SIM1: variants seen among roughly 807,000 people sequenced by gnomAD.
The protein encoded by SIM1 is SIM bHLH transcription factor 1.
A neutral mutation model predicts 78.2 loss-of-function variants in SIM1; 18 were observed. The ratio of observed to expected loss-of-function variants is 0.23; its 90% confidence interval spans 0.16 to 0.34. The LOEUF (loss-of-function observed/expected upper bound fraction) is 0.34, where lower values mean the gene tolerates loss of function less well. Among genes scored for constraint, SIM1 ranks in the 10% least tolerant of loss-of-function variants. The pLI is 1.00. For synonymous variants in SIM1, 417 were observed against 385.2 expected, an observed-to-expected ratio of 1.08 and a Z score of -0.97; for missense variants, 939 against 975.1, an observed-to-expected ratio of 0.96 and a Z score of 0.49.
chr6:100,430,005 C>G (rs1306073986), intron 9 of SIM1, among the ~76,000 whole-genome samples: 1 of 152,016 alleles, frequency 6.6e-6, no homozygotes, highest in Non-Finnish European at 1.5e-5. Flanking sequence ...GTCTCTGAAG[C>G]CTTTCATGTG....
intron 9 of SIM1, among the ~76,000 whole-genome samples, chr6:100,434,736 A>G (rs1048766403): frequency 1.3e-5 from 2 of 152,234 alleles, no homozygotes; most frequent in African/African-American, 4.8e-5. Context: ...TGGGTTTAAA[A>G]GCACAAACAC....
At chr6:100,412,677 GAAAGAA>G (rs1771257999) in intron 10 of SIM1, among the ~76,000 whole-genome samples, 1 of 101,940 alleles carries the variant, frequency 9.8e-6, no homozygotes, top group African/African-American at 3.8e-5. Context: ...GAGAGAGAAA[GAAAGAA>G]AAAGAAAGAA....
intron 9 of SIM1, among the ~76,000 whole-genome samples, chr6:100,421,441 G>T (rs2114505053): frequency 6.6e-6 from 1 of 152,252 alleles, no homozygotes; most frequent in South Asian, 2.1e-4. Flanking sequence ...CTCTCAACAG[G>T]TTAGTTCAGT....
chr6:100,463,203 T>C (rs1772899906), intron 2 of SIM1, 91 bp downstream of exon 2: 2 of 1,135,796 alleles, frequency 1.8e-6, no homozygotes, highest in South Asian at 1.5e-5. Context: ...TAAATATGTA[T>C]GCATTTCTCT....
chr6:100,439,627 T>C (rs1562251270), intron 9 of SIM1, among the ~76,000 whole-genome samples: 1 of 152,188 alleles, frequency 6.6e-6, no homozygotes, highest in Non-Finnish European at 1.5e-5. Flanking sequence ...ATGAGGAATA[T>C]ACAAAAGGCT....
chr6:100,393,363 C>A, intron 11 of SIM1, 124 bp downstream of exon 11: 1 of 859,706 alleles, frequency 1.2e-6, no homozygotes, highest in Non-Finnish European at 1.6e-6. Context: ...GTTTTTAATC[C>A]CATTGGTTCT....
chr6:100,424,632 G>A (rs1006795856), intron 9 of SIM1, among the ~76,000 whole-genome samples: 1 of 151,630 alleles, frequency 6.6e-6, no homozygotes, highest in Non-Finnish European at 1.5e-5. Flanking sequence ...GTAGACACGA[G>A]ATCTCTCTGT....
At chr6:100,403,888 G>T (rs1183490248) in intron 10 of SIM1, among the ~76,000 whole-genome samples, 1 of 152,048 alleles carries the variant, frequency 6.6e-6, no homozygotes, top group Non-Finnish European at 1.5e-5. Flanking sequence ...AACAAATAAG[G>T]TTCAAAAAAT....
At chr6:100,412,567 GAAAGAA>G (rs1160682384) in intron 10 of SIM1, among the ~76,000 whole-genome samples, 1 of 65,322 alleles carries the variant, frequency 1.5e-5, no homozygotes, top group African/African-American at 5.8e-5. Flanking sequence ...AAGAAAGAAA[GAAAGAA>G]AGAAAGAAAG....
At chr6:100,424,614 T>A (rs1328787164) in intron 9 of SIM1, among the ~76,000 whole-genome samples, 2 of 151,784 alleles carry the variant, frequency 1.3e-5, no homozygotes, top group African/African-American at 4.8e-5. Flanking sequence ...TTTTTTTTTT[T>A]ATTTTTGGTA....
Position 100,447,252 on chromosome 6 carries a change from T to C in SIM1, c.998+16A>G. ...GTCGCCTGGGGTGGGTGAAGGGGTC[T>C]CAGTCTTGCACTCACGTGAGGACAT... On this transcript the variant is annotated intron_variant, in intron 9 of 11. Transcript: ENST00000369208. The C allele has an allele frequency of 6.2e-7, 1 of 1,612,526 alleles. No individual in the cohort carries two copies. Among genetic ancestry groups the C allele is most frequent in the Admixed American group, 1.7e-5 (1 of 59,992 alleles).
intron 9 of SIM1, among the ~76,000 whole-genome samples, chr6:100,434,453 C>T (rs888575581): frequency 6.6e-5 from 10 of 152,318 alleles, no homozygotes; most frequent in African/African-American, 2.2e-4. Flanking sequence ...CTTTGCCTGT[C>T]GCTTGTTTGG....
In SIM1 at chr6:100,448,127, G is replaced by A; in HGVS notation, c.850+19C>T. The A allele has an allele frequency of 6.3e-7, 1 of 1,597,718 alleles. No individual in the cohort carries two copies. On this transcript the variant is annotated intron_variant, in intron 8 of 11. Transcript: ENST00000369208. ...GATGCGCCAAGGTTGCTAGGGTACG[G>A]GGCAGGGTGGCGCCTTACGCAAATG...
chr6:100,415,767 T>C (rs549017666), intron 10 of SIM1, among the ~76,000 whole-genome samples: 5 of 152,274 alleles, frequency 3.3e-5, no homozygotes, highest in African/African-American at 4.8e-5. Flanking sequence ...TCTAGCCTTA[T>C]GCATTTCAAG....
chr6:100,439,910 G>T (rs965635766), intron 9 of SIM1, among the ~76,000 whole-genome samples: 1 of 152,102 alleles, frequency 6.6e-6, no homozygotes, highest in African/African-American at 2.4e-5. Flanking sequence ...GAAAAACAGG[G>T]TGAGCCTAAC....
At chr6:100,392,954 C>T (rs1419807892) in intron 11 of SIM1, among the ~76,000 whole-genome samples, 3 of 152,210 alleles carry the variant, frequency 2.0e-5, no homozygotes, top group African/African-American at 7.2e-5. Context: ...ATCCTTCACT[C>T]ACGGGGTCAT....
intron 2 of SIM1, 25 bp from the exon 3 acceptor site, chr6:100,453,869 T>C (rs1772579195): frequency 6.3e-7 from 1 of 1,585,778 alleles, no homozygotes; most frequent in Non-Finnish European, 8.6e-7. Flanking sequence ...AAGCATCCTG[T>C]AGCCACTGAA....
rs543333367 is a variant in SIM1, at chr6:100,401,197, G to A, written c.1168-7308C>T. On this transcript the variant is annotated intron_variant, in intron 10 of 11. Transcript: ENST00000369208. The stretch of plus-strand genomic sequence containing the variant: ...AAGAATAAGCACACAAACTCAAACT[G>A]AAGAACATTCTGTAAAATAACTGGG... Among the ~76,000 whole-genome samples, 9 of 152,162 alleles carry A rather than the reference G, an allele frequency of 5.9e-5. No homozygotes were observed. In the East Asian group the frequency reaches 1.5e-3, roughly 26 times the overall value.
chr6:100,441,330 A>G (rs1010530704), intron 9 of SIM1, among the ~76,000 whole-genome samples: 2 of 152,134 alleles, frequency 1.3e-5, no homozygotes, highest in African/African-American at 4.8e-5. Flanking sequence ...AGGCCTCTGA[A>G]TAGAACCCCC....
Sources: gnomAD v4.1 joint callset for allele counts (sites outside exome capture counted in the v4.1 genomes callset) on GRCh38, gnomAD v4.1.1 for gene constraint, MANE v1.5 for transcripts, NCBI Gene and HGNC (gene_info 2026-07-23, HGNC 2026-07-21) for gene names.